Variants in SUPT3H observed in about 807,000 individuals in gnomAD.
SUPT3H encodes the protein SPT3 homolog, SAGA and STAGA complex component.
A neutral mutation model predicts 44.3 loss-of-function variants in SUPT3H; 44 were observed. The observed-to-expected ratio is 0.99, with a 90% CI of 0.78 to 1.28. The LOEUF (loss-of-function observed/expected upper bound fraction) is 1.28. Ranked by LOEUF, SUPT3H falls within the 50% of genes most tolerant of loss-of-function variation. The pLI is 0.00. For synonymous variants in SUPT3H, 124 were observed against 125.6 expected, an observed-to-expected ratio of 0.99 and a Z score of 0.09; for missense variants, 380 against 387.1, an observed-to-expected ratio of 0.98 and a Z score of 0.15.
At chr6:45,277,553 T>C (rs1012834019) in intron 2 of SUPT3H, among the ~76,000 whole-genome samples, 4 of 152,128 alleles carry the variant, frequency 2.6e-5, no homozygotes, top group Admixed American at 2.0e-4. Context: ...TGTAGACATA[T>C]GGTGAAGCAA....
chr6:45,308,769 G>A (rs1783502755), intron 2 of SUPT3H, among the ~76,000 whole-genome samples: 1 of 133,686 alleles, frequency 7.5e-6, no homozygotes. Context: ...AAAAAAAAAA[G>A]TCAAAAAAAA....
chr6:45,139,582 GA>G (rs1198092280), intron 2 of SUPT3H, among the ~76,000 whole-genome samples: 3 of 152,198 alleles, frequency 2.0e-5, no homozygotes, highest in Non-Finnish European at 4.4e-5. Context: ...CAAAGTGTGA[GA>G]GGGGGAAAAC....
At chr6:45,056,223 A>C (rs1791099782) in intron 3 of SUPT3H, among the ~76,000 whole-genome samples, 1 of 152,208 alleles carries the variant, frequency 6.6e-6, no homozygotes, top group African/African-American at 2.4e-5. Context: ...ACACTTTTAC[A>C]CTGCTGGTGG....
intron 3 of SUPT3H, among the ~76,000 whole-genome samples, chr6:45,053,619 C>T (rs1014741426): frequency 6.6e-6 from 1 of 151,482 alleles, no homozygotes. Flanking sequence ...ACTCTGATGG[C>T]CGGGTGCAGT....
At chr6:45,279,335 T>C (rs1312130669) in intron 2 of SUPT3H, among the ~76,000 whole-genome samples, 2 of 152,180 alleles carry the variant, frequency 1.3e-5, no homozygotes, top group Non-Finnish European at 1.5e-5. Context: ...GTTATGTGTA[T>C]GTTTGTGTGC....
At chr6:45,214,146 C>T (rs1039126142) in intron 2 of SUPT3H, among the ~76,000 whole-genome samples, 1 of 151,574 alleles carries the variant, frequency 6.6e-6, no homozygotes, top group African/African-American at 2.4e-5. Flanking sequence ...ATTCAGTGAC[C>T]ACCCAAGTAC....
intron 2 of SUPT3H, among the ~76,000 whole-genome samples, chr6:45,261,980 C>T (rs75833179): frequency 0.15 from 23,143 of 151,918 alleles, 2,000 homozygotes; most frequent in East Asian, 0.26. Context: ...ACCTACAATA[C>T]CCACAAATAG....
chr6:45,228,971 A>G (rs9357478), intron 2 of SUPT3H, among the ~76,000 whole-genome samples: 60,756 of 152,090 alleles, frequency 0.4, 12,546 homozygotes, highest in East Asian at 0.71. Flanking sequence ...CAATTTACCA[A>G]TAGGATTATC....
intron 10 of SUPT3H, among the ~76,000 whole-genome samples, chr6:44,850,270 C>T (rs1772640767): frequency 6.6e-6 from 1 of 152,088 alleles, no homozygotes; most frequent in South Asian, 2.1e-4. Flanking sequence ...ATAAAATAAA[C>T]AGAAAATTGT....
chr6:45,206,177 T>TTTTA (rs1763199940), intron 2 of SUPT3H, among the ~76,000 whole-genome samples: 1 of 152,146 alleles, frequency 6.6e-6, no homozygotes, highest in South Asian at 2.1e-4. Flanking sequence ...ATGAAGAACA[T>TTTTA]GTGTTAGTAA....
chr6:45,296,933 G>GA lies in SUPT3H; in HGVS notation c.101+68267dup, dbSNP rs370015187. 4.9e-3 allele frequency among the ~76,000 whole-genome samples: 270 copies of GA among 55,270 alleles called. 1 individual carries two copies. Among genetic ancestry groups the GA allele is most frequent in the African/African-American group, 0.016 (219 of 13,744 alleles). The allele number at this position is 55,270 out of a possible 152,430, so 36.3% of individuals were successfully genotyped here. A position where few individuals can be genotyped will look rare whatever the true frequency, so the allele number is the denominator to read the frequency against. ...CTGACAGAGTGAGATTCTGTCTCAA[G>GA]AAAAAAAAAAAAAGGAAGGACTACA... On this transcript the variant is annotated intron_variant, in intron 2 of 10. Transcript: ENST00000371459.
chr6:45,214,015 C>CAAAAAAAAAAAA (rs11418358), intron 2 of SUPT3H, among the ~76,000 whole-genome samples: 5 of 74,104 alleles, frequency 6.7e-5, no homozygotes, highest in East Asian at 4.8e-4. Context: ...TTTTGAAATG[C>CAAAAAAAAAAAA]AAAAAAAAAA....
chr6:45,114,502 T>C (rs1800552457), intron 2 of SUPT3H, among the ~76,000 whole-genome samples: 1 of 151,928 alleles, frequency 6.6e-6, no homozygotes, highest in Non-Finnish European at 1.5e-5. Context: ...AATCAGAAAA[T>C]TTTTTTAAAA....
chr6:45,253,282 T>C (rs1772703856), intron 2 of SUPT3H, among the ~76,000 whole-genome samples: 1 of 152,132 alleles, frequency 6.6e-6, no homozygotes, highest in South Asian at 2.1e-4. Flanking sequence ...TAGCAGATAA[T>C]TTACAAAGAA....
At position 45,365,191 on chromosome 6, in the gene SUPT3H, A is replaced by T. The variant is rs1235150552; in HGVS notation, c.101+10T>A. On this transcript the variant is annotated intron_variant, in intron 2 of 10. Transcript: ENST00000371459. ...ATAGTAATAGCAATAGCATGCAGGG[A>T]CATACTTACATCATACTCTGTAATT... The T allele has an allele frequency of 2.0e-6, 3 of 1,532,468 alleles. No homozygotes were observed. The East Asian group carries it at 6.8e-5, about 35-fold the overall frequency. 94.9% of individuals were successfully genotyped at this position (1,532,468 alleles called of 1,614,324 possible). A position where few individuals can be genotyped will look rare whatever the true frequency, so the allele number is the denominator to read the frequency against.
At chr6:44,877,809 T>C in intron 10 of SUPT3H, among the ~76,000 whole-genome samples, 1 of 152,222 alleles carries the variant, frequency 6.6e-6, no homozygotes, top group South Asian at 2.1e-4. Flanking sequence ...CAGTGAAGTC[T>C]GCCATTCATA....
At chr6:45,248,560 G>A (rs79531471) in intron 2 of SUPT3H, among the ~76,000 whole-genome samples, 3,685 of 152,104 alleles carry the variant, frequency 0.024, 174 homozygotes, top group African/African-American at 0.083. Context: ...TATTAGAATG[G>A]CTAAATCAAA....
At chr6:45,254,474 A>AAC (rs917262431) in intron 2 of SUPT3H, among the ~76,000 whole-genome samples, 19 of 152,128 alleles carry the variant, frequency 1.2e-4, no homozygotes, top group African/African-American at 3.6e-4. Flanking sequence ...ACTAAAACTA[A>AAC]ACACACACAC....
At chr6:45,299,054 T>C (rs1781724848) in intron 2 of SUPT3H, among the ~76,000 whole-genome samples, 1 of 152,102 alleles carries the variant, frequency 6.6e-6, no homozygotes, top group Non-Finnish European at 1.5e-5. Flanking sequence ...TTTTGTAGAA[T>C]TACATGAAGT....
Sources: allele counts gnomAD v4.1 joint callset (sites outside exome capture counted in the v4.1 genomes callset), GRCh38; gene constraint gnomAD v4.1.1; transcripts MANE v1.5; gene names NCBI Gene and HGNC (gene_info 2026-07-23, HGNC 2026-07-21).